Variants in SYT2 observed in about 807,000 individuals in gnomAD.
SYT2 encodes the protein synaptotagmin 2.
SYT2 carries 15 observed loss-of-function variants against 39.9 expected under a neutral mutation model. The observed-to-expected ratio is 0.38, with a 90% confidence interval of 0.25 to 0.58. SYT2 has a LOEUF of 0.58. Ranked by LOEUF, SYT2 falls within the 20% of genes least tolerant of loss-of-function variation. The pLI is 0.70. For synonymous variants in SYT2, 181 were observed against 204.5 expected, an observed-to-expected ratio of 0.89 and a Z score of 0.98; for missense variants, 389 against 530.3, an observed-to-expected ratio of 0.73 and a Z score of 2.62.
rs74697367 is a variant in SYT2 at position 202,623,215 on chromosome 1, A to G, written c.-17-17426T>C. On this transcript the variant is annotated intron_variant, in intron 1 of 8. Transcript: ENST00000367268. This position sits in a 1 kb window ranked among gnomAD's most constrained non-coding sequence, Gnocchi z 4.2. ...CAGGACAGAGAAGCCCGCCATCCCC[A>G]TGGGAGAGGAGCTGGAGTCCAGGCT... 8.2e-3 allele frequency among the ~76,000 whole-genome samples: 1,253 copies of G among 152,314 alleles called. 21 individuals are homozygous for G. The highest frequency in any genetic ancestry group is 0.063 in the East Asian group (327 of 5,182).
chr1:202,625,322 GGT>G (rs1407486872), intron 1 of SYT2, among the ~76,000 whole-genome samples: 1 of 137,956 alleles, frequency 7.2e-6, no homozygotes, highest in Non-Finnish European at 1.6e-5. Context: ...GTGTGTGTGT[GGT>G]GTGTGTGGCA....
At chr1:202,651,078 C>T (rs376894757) in intron 1 of SYT2, among the ~76,000 whole-genome samples, 21 of 152,086 alleles carry the variant, frequency 1.4e-4, no homozygotes, top group East Asian at 1.4e-3. Context: ...ACACAGGCAA[C>T]GGGCACAGCG....
At position 202,599,712 on chromosome 1, in the gene SYT2, C is replaced by A. The variant is rs1690430023; in HGVS notation, c.920-361G>T. The stretch of plus-strand genomic sequence containing the variant: ...TGCTGGGTCATAATCCCAATCCGAT[C>A]CCCCTAATCTTGCAGACAAGAAACT... On this transcript the variant is annotated intron_variant, in intron 7 of 8. Transcript: ENST00000367268. This position sits in a 1 kb window ranked among gnomAD's most constrained non-coding sequence, Gnocchi z 4.4. Among the ~76,000 whole-genome samples, 1 of 152,152 alleles carries A rather than the reference C, an allele frequency of 6.6e-6. No individual in the cohort carries two copies.
chr1:202,709,837 A>G (rs1486295344), intron 1 of SYT2, among the ~76,000 whole-genome samples: 1 of 152,072 alleles, frequency 6.6e-6, no homozygotes, highest in Non-Finnish European at 1.5e-5. Context: ...AGACTGGGGC[A>G]AAAGAACCTT....
Position 202,658,013 on chromosome 1 carries a change from G to A in SYT2, c.-17-52224C>T, listed in dbSNP as rs375398832. ...TCAAAGCACTTTCTGTGCCACCTCT[G>A]GGCCCACGCTGTAGGATCAGCTCTG... On this transcript the variant is annotated intron_variant, in intron 1 of 8. Transcript: ENST00000367268. Among the ~76,000 whole-genome samples the A allele has an allele frequency of 1.2e-4, 18 of 152,226 alleles. 1 individual carries two copies. The highest frequency in any genetic ancestry group is 7.9e-4 in the Admixed American group (12 of 15,286).
At position 202,630,319 on chromosome 1, in the gene SYT2, G is replaced by A. The variant is rs1042226333; in HGVS notation, c.-17-24530C>T. 7 of 960,718 alleles carry A rather than the reference G, an allele frequency of 7.3e-6. No individual in the cohort carries two copies. In the African/African-American group the frequency reaches 1.2e-4, roughly 17 times the overall value. The allele number at this position is 960,718 out of a possible 1,614,324, so 59.5% of individuals were successfully genotyped here. On this transcript the variant is annotated intron_variant, in intron 1 of 8. Transcript: ENST00000367268. ...CACTCTGGCTTGACCAGGTGCTGGA[G>A]GACACATGGGGAGAGGGAACACAGA...
At chr1:202,603,244 AAC>A in intron 3 of SYT2, 126 bp from the exon 4 acceptor site, 2 of 1,339,888 alleles carry the variant, frequency 1.5e-6, no homozygotes, top group Non-Finnish European at 2.0e-6. Flanking sequence ...GTGTGGTGGG[AAC>A]ACAAGAGGGA....
chr1:202,613,064 CTTCCTTTT>C (rs1690930189), intron 1 of SYT2, among the ~76,000 whole-genome samples: 2 of 88,738 alleles, frequency 2.3e-5, no homozygotes, highest in Non-Finnish European at 4.5e-5. Context: ...CTCATTGGTT[CTTCCTTTT>C]TTTTTTTTTT....
At chr1:202,642,743 G>C (rs1188875129) in intron 1 of SYT2, among the ~76,000 whole-genome samples, 2 of 152,344 alleles carry the variant, frequency 1.3e-5, no homozygotes, top group East Asian at 3.9e-4. Context: ...GGGCTCCCCA[G>C]TGTCGCGCGA....
chr1:202,691,208 C>T (rs1653808720), intron 1 of SYT2, among the ~76,000 whole-genome samples: 1 of 152,108 alleles, frequency 6.6e-6, no homozygotes, highest in Non-Finnish European at 1.5e-5. Flanking sequence ...GTGGAGGGTT[C>T]CAAGTGATCC....
At chr1:202,655,764 G>T (rs937103673) in intron 1 of SYT2, among the ~76,000 whole-genome samples, 3 of 152,198 alleles carry the variant, frequency 2.0e-5, no homozygotes, top group Non-Finnish European at 4.4e-5. Flanking sequence ...GGGACAACAG[G>T]AGTGCCAGTC....
At chr1:202,695,373 C>A (rs995716537) in intron 1 of SYT2, among the ~76,000 whole-genome samples, 1 of 152,154 alleles carries the variant, frequency 6.6e-6, no homozygotes, top group South Asian at 2.1e-4. Context: ...GCAGCCCAAT[C>A]CCACAACTTC....
intron 1 of SYT2, among the ~76,000 whole-genome samples, chr1:202,706,132 T>C (rs1218313874): frequency 6.6e-6 from 1 of 152,160 alleles, no homozygotes; most frequent in Non-Finnish European, 1.5e-5. Flanking sequence ...CCCATCACTC[T>C]GGCTACTTCC....
At chr1:202,697,402 T>C (rs1654000071) in intron 1 of SYT2, among the ~76,000 whole-genome samples, 2 of 152,248 alleles carry the variant, frequency 1.3e-5, no homozygotes, top group Non-Finnish European at 2.9e-5. Flanking sequence ...CCTCTGCCCA[T>C]GGGCAACCTG....
chr1:202,650,435 C>CTTTTTTTTTTTTTTT (rs68013997), intron 1 of SYT2, among the ~76,000 whole-genome samples: 5 of 143,264 alleles, frequency 3.5e-5, no homozygotes, highest in Non-Finnish European at 3.0e-5. Flanking sequence ...GTTTCATATG[C>CTTTTTTTTTTTTTTT]TTTTGTTTTT....
chr1:202,697,107 G>C (rs759342660), intron 1 of SYT2, among the ~76,000 whole-genome samples: 45 of 152,246 alleles, frequency 3.0e-4, no homozygotes, highest in Admixed American at 7.8e-4. Context: ...GCTTCACTGA[G>C]AGCATTAGCT....
At chr1:202,629,754 A>G (rs1240963346) in intron 1 of SYT2, among the ~76,000 whole-genome samples, 2 of 151,418 alleles carry the variant, frequency 1.3e-5, no homozygotes, top group African/African-American at 4.9e-5. Flanking sequence ...CTGTCGTCCC[A>G]GCTACTCAGG....
intron 1 of SYT2, among the ~76,000 whole-genome samples, chr1:202,636,019 A>T (rs188288798): frequency 6.6e-5 from 10 of 152,214 alleles, no homozygotes; most frequent in Admixed American, 4.6e-4. Flanking sequence ...TGCAAGTGGT[A>T]GGGGGAAGGA....
intron 1 of SYT2, among the ~76,000 whole-genome samples, chr1:202,642,354 C>A (rs1691939081): frequency 6.6e-6 from 1 of 151,768 alleles, no homozygotes; most frequent in Non-Finnish European, 1.5e-5. Flanking sequence ...GCTTGTCCCC[C>A]CGCGCGCCCT....
Sources: allele counts gnomAD v4.1 joint callset (sites outside exome capture counted in the v4.1 genomes callset), GRCh38; gene constraint gnomAD v4.1.1; non-coding constraint Gnocchi (gnomAD v3.1); transcripts MANE v1.5; gene names NCBI Gene and HGNC (gene_info 2026-07-23, HGNC 2026-07-21).